Variants in TAF9 observed in about 807,000 individuals in gnomAD.
TAF9 encodes TATA-box binding protein associated factor 9.
A neutral mutation model predicts 16.5 loss-of-function variants in TAF9; 10 were observed. The observed-to-expected ratio is 0.61, with a 90% CI of 0.37 to 1.03. The LOEUF (loss-of-function observed/expected upper bound fraction) is 1.03, where lower values mean the gene tolerates loss of function less well. TAF9 is among the 50% of genes least tolerant of loss of function. The probability of loss-of-function intolerance (pLI) is 0.01; values close to 1 mark genes in which losing one functional copy is unlikely to be tolerated. For missense variants in TAF9, 288 were observed against 319.1 expected (o/e 0.90, Z 0.74); for synonymous variants, 105 against 120.5 (o/e 0.87, Z 0.84).
chr5:69,369,319 C>T, intron 1 of TAF9, 144 bp downstream of exon 1: 3 of 856,966 alleles, frequency 3.5e-6, no homozygotes, highest in Middle Eastern at 3.8e-4. Context: ...AGGGTCGGCT[C>T]CCGGGGCGCT....
At chr5:69,367,504 CA>C (rs34070239) in intron 1 of TAF9, among the ~76,000 whole-genome samples, 1,160 of 93,992 alleles carry the variant, frequency 0.012, 8 homozygotes, top group African/African-American at 0.038. Context: ...GACTCCATCT[CA>C]AAAAAAAAAA....
rs756811975 is a variant in TAF9 at position 69,365,149 on chromosome 5, G to C, written c.589C>G (p.Pro197Ala). The change falls in exon 3 of 3, where the codon CCA becomes GCA. Residue 197 changes from proline to alanine, a missense_variant. Physicochemically the swap from Pro to Ala is conservative, Grantham distance 27. Transcript: ENST00000217893. ...GCAGGAATTGAAGCTTTTACAGCTG[G>C]AGACTGAGAAGTAGGCATCTGTACT... is the stretch of plus-strand genomic sequence containing the variant. ...FTVQMPTSQS[P>A]AVKASIPATS... 2.5e-6 allele frequency: 4 copies of C among 1,614,072 alleles called. No homozygotes were observed. Among genetic ancestry groups the C allele is most frequent in the African/African-American group, 1.3e-5 (1 of 74,918 alleles).
At chr5:69,367,147 G>T (rs944819198) in intron 1 of TAF9, among the ~76,000 whole-genome samples, 1 of 152,118 alleles carries the variant, frequency 6.6e-6, no homozygotes, top group Non-Finnish European at 1.5e-5. Flanking sequence ...TGATTCTCCA[G>T]GGGTGGGGCT....
chr5:69,364,944 T>G lies in TAF9; in HGVS notation c.794A>C (p.Ter265SerextTer13). ...CATGTTACATTCAGCAAGGCTAGAT[T>G]ACAGATTATCATAGTCATCATCATC... is the stretch of plus-strand genomic sequence containing the variant. Reference protein sequence around the residue: ...DDDDDDYDNL* With the variant: ...DDDDDDYDNLS Residue 265 changes from the stop codon to serine, a stop_lost, in exon 3 of 3, where the codon TAA (stop) becomes TCA (serine). Coordinates refer to ENST00000217893, the MANE Select transcript of TAF9 (RefSeq NM_003187.5). 3 of 1,607,208 alleles carry G rather than the reference T, an allele frequency of 1.9e-6. No individual in the cohort carries two copies. Among genetic ancestry groups the G allele is most frequent in the Non-Finnish European group, 2.5e-6 (3 of 1,176,950 alleles).
At chr5:69,369,406 A>C in intron 1 of TAF9, 57 bp downstream of exon 1, 3 of 1,593,100 alleles carry the variant, frequency 1.9e-6, no homozygotes, top group Non-Finnish European at 2.6e-6. Flanking sequence ...CGATGCCCAG[A>C]GCACTCTGCG....
At chr5:69,367,052 C>T (rs1211496593) in intron 1 of TAF9, among the ~76,000 whole-genome samples, 1 of 152,042 alleles carries the variant, frequency 6.6e-6, no homozygotes, top group Non-Finnish European at 1.5e-5. Flanking sequence ...AGCCACCATG[C>T]CTGGCCATAT....
chr5:69,366,460 T>TAA (rs749083636), intron 2 of TAF9, 43 bp downstream of exon 2: 216 of 1,293,802 alleles, frequency 1.7e-4, no homozygotes, highest in Non-Finnish European at 2.0e-4. Context: ...TACCAGACCT[T>TAA]AAAAAAAAAA....
intron 1 of TAF9, 25 bp from the exon 2 acceptor site, chr5:69,366,620 ACT>A (rs1407679997): frequency 1.3e-6 from 2 of 1,540,124 alleles, no homozygotes; most frequent in Admixed American, 1.7e-5. Flanking sequence ...ACAGAAAAAT[ACT>A]GTTTGTGAAA....
At chr5:69,369,685 A>G (rs1212313091), upstream of TAF9, 13 of 1,554,014 alleles carry the variant, frequency 8.4e-6, no homozygotes, top group East Asian at 7.3e-5. Context: ...TTTCCGTCGC[A>G]AAGTTGGAGG....
chr5:69,369,324 G>C, intron 1 of TAF9, 139 bp downstream of exon 1: 13 of 782,172 alleles, frequency 1.7e-5, no homozygotes, highest in Non-Finnish European at 2.3e-5. Flanking sequence ...CGGCTCCCGG[G>C]GCGCTGACAA....
At chr5:69,367,854 T>C (rs1467820203) in intron 1 of TAF9, 1 of 152,222 alleles carries the variant, frequency 6.6e-6, no homozygotes, top group Non-Finnish European at 1.5e-5. Flanking sequence ...CTATTTGCTT[T>C]AACTTATAAA....
chr5:69,365,503 C>T lies in TAF9; in HGVS notation c.235G>A (p.Ala79Thr), dbSNP rs374084798. The T allele has an allele frequency of 6.1e-5, 98 of 1,613,714 alleles. No individual in the cohort carries two copies. The highest frequency in any genetic ancestry group is 1.6e-4 in the Middle Eastern group (1 of 6,078). ...DDVRLAIQCR[A>T]DQSFTSPPPR... ...GGAGGAGAGGTAAAAGACTGATCAG[C>T]GCGGCACTGGATTGCCAATCGCACA... The change falls in exon 3 of 3, where the codon GCT becomes ACT. Residue 79 changes from alanine (A) to threonine (T), a missense_variant. Ala to Thr is a moderately conservative substitution (Grantham distance 58, BLOSUM62 0). Coordinates refer to ENST00000217893, the MANE Select transcript of TAF9 (RefSeq NM_003187.5).
In TAF9 at chr5:69,367,479, C is replaced by T. The variant is rs189771373; in HGVS notation, c.-110-884G>A. ...GAGCCAAGATCGCGCCACAGCACTCCAGCCTGGCGACAGAGACTCCATCTC... is the reference window on the plus strand; with the variant it reads ...GAGCCAAGATCGCGCCACAGCACTCTAGCCTGGCGACAGAGACTCCATCTC... On this transcript the variant is annotated intron_variant, in intron 1 of 2. Transcript: ENST00000217893. Among the ~76,000 whole-genome samples the T allele has an allele frequency of 4.4e-3, 632 of 142,812 alleles. 2 individuals carry two copies. Among genetic ancestry groups the T allele is most frequent in the Non-Finnish European group, 6.3e-3 (418 of 66,382 alleles). The allele number at this position is 142,812 out of a possible 152,430, so 93.7% of individuals were successfully genotyped here. A position where few individuals can be genotyped will look rare whatever the true frequency, so the allele number is the denominator to read the frequency against.
rs532727553 is a variant in TAF9, at chr5:69,369,058, C to A, written c.-111+405G>T. On this transcript the variant is annotated intron_variant, in intron 1 of 2. Coordinates refer to ENST00000217893, the MANE Select transcript of TAF9 (RefSeq NM_003187.5). ...GGAGGCCTAAGGAGTGAGGCATCCA[C>A]CATTAATGACTCTACCGGGAAGCAG... The A allele has an allele frequency of 2.3e-5, 6 of 256,350 alleles. No individual in the cohort carries two copies. In the Admixed American group the frequency reaches 3.4e-4, roughly 14 times the overall value. 15.9% of individuals were successfully genotyped at this position (256,350 alleles called of 1,614,324 possible). A position where few individuals can be genotyped will look rare whatever the true frequency, so the allele number is the denominator to read the frequency against.
chr5:69,365,311 T>C lies in TAF9; in HGVS notation c.427A>G (p.Ile143Val), dbSNP rs772670213. 31 of 1,614,088 alleles carry C rather than the reference T, an allele frequency of 1.9e-5. No individual in the cohort carries two copies. In the South Asian group the frequency reaches 2.0e-4, roughly 10 times the overall value. Residue 143 changes from isoleucine to valine, a missense_variant, in exon 3 of 3, where the codon ATA (isoleucine) becomes GTA (valine). Ile to Val is a conservative substitution (Grantham distance 29). Coordinates refer to ENST00000217893, the MANE Select transcript of TAF9 (RefSeq NM_003187.5). ...QKKASTSAGR[I>V]TVPRLSVGSV... ...CCAACACTTAACCGCGGGACTGTTA[T>C]TCTTCCCGCAGAAGTTGATGCCTTT... is the stretch of plus-strand genomic sequence containing the variant.
chr5:69,369,498 G>C lies in TAF9; in HGVS notation c.-146C>G. 1 of 1,611,562 alleles carries C rather than the reference G, an allele frequency of 6.2e-7. No individual in the cohort carries two copies. On this transcript the variant is annotated 5_prime_UTR_variant, in exon 1 of 3. Coordinates refer to ENST00000217893, the MANE Select transcript of TAF9 (RefSeq NM_003187.5). ...GATGTTCGGAAGCAACATGGTCCCC[G>C]CCGCGACGGCTTCGGGCGCCTCGCT...
rs758231853 is a variant in TAF9 at position 69,365,497 on chromosome 5, G to A, written c.241C>T (p.Gln81Ter). The A allele has an allele frequency of 1.9e-6, 3 of 1,614,050 alleles. No homozygotes were observed. The highest frequency in any genetic ancestry group is 1.7e-6 in the Non-Finnish European group (2 of 1,179,972). ...CTTGGGGGAGGAGAGGTAAAAGACTGATCAGCGCGGCACTGGATTGCCAAT... is the reference window on the plus strand; with the variant it reads ...CTTGGGGGAGGAGAGGTAAAAGACTAATCAGCGCGGCACTGGATTGCCAAT... ...VRLAIQCRADQSFTSPPPRDF... is the reference protein window; with the variant it reads ...VRLAIQCRAD Residue 81 changes from glutamine (Q) to a stop codon, truncating the protein, a stop_gained, in exon 3 of 3, where the codon CAG becomes TAG. Transcript: ENST00000217893. LOFTEE classifies it high-confidence loss of function.
upstream of TAF9, chr5:69,369,723 G>C (rs751599805): frequency 3.9e-5 from 60 of 1,549,968 alleles, no homozygotes; most frequent in East Asian, 1.5e-3. Flanking sequence ...CGGTACTTCG[G>C]GTCAGGCAGT....
rs758231853 is a variant in TAF9 at position 69,365,497 on chromosome 5, G to T, written c.241C>A (p.Gln81Lys). The T allele has an allele frequency of 6.2e-7, 1 of 1,614,050 alleles. No individual in the cohort carries two copies. Among genetic ancestry groups the T allele is most frequent in the African/African-American group, 1.3e-5 (1 of 75,034 alleles). Residue 81 changes from glutamine (Q) to lysine (K), a missense_variant, in exon 3 of 3, where the codon CAG (glutamine) becomes AAG (lysine). Coordinates refer to ENST00000217893, the MANE Select transcript of TAF9 (RefSeq NM_003187.5). ...CTTGGGGGAGGAGAGGTAAAAGACT[G>T]ATCAGCGCGGCACTGGATTGCCAAT... ...VRLAIQCRAD[Q>K]SFTSPPPRDF...
Sources: gnomAD v4.1 joint callset for allele counts (sites outside exome capture counted in the v4.1 genomes callset) on GRCh38, gnomAD v4.1.1 for gene constraint, MANE v1.5 for transcripts, NCBI Gene and HGNC (gene_info 2026-07-23, HGNC 2026-07-21) for gene names.